The following ZFR2 variants were observed in gnomAD, a reference collection of about 807,000 sequenced individuals.
The protein encoded by ZFR2 is zinc finger RNA-binding protein 2.
Under a neutral mutation model 105.7 loss-of-function variants are expected in ZFR2, and 104 were observed. That is an observed-to-expected ratio of 0.98 (90% confidence interval 0.84 to 1.16). The LOEUF (loss-of-function observed/expected upper bound fraction) is 1.16, where lower values mean the gene tolerates loss of function less well. Ranked by LOEUF, ZFR2 falls within the 50% of genes most tolerant of loss-of-function variation. ZFR2 has a pLI of 0.00. For missense variants in ZFR2, 1,425 were observed against 1,355.5 expected (o/e 1.05, Z -0.80); for synonymous variants, 634 against 597.7 (o/e 1.06, Z -0.89).
chr19:3,841,652 A>T (rs1011883812), intron 1 of ZFR2, among the ~76,000 whole-genome samples: 31 of 152,050 alleles, frequency 2.0e-4, no homozygotes, highest in African/African-American at 4.6e-4. Flanking sequence ...ACAAAAAATT[A>T]AAAAAATTAG....
chr19:3,829,438 G>C (rs992884866), intron 5 of ZFR2, among the ~76,000 whole-genome samples: 15 of 152,074 alleles, frequency 9.9e-5, no homozygotes, highest in African/African-American at 3.1e-4. Flanking sequence ...GGGATTATGG[G>C]GGACTATAGG....
chr19:3,819,852 C>CAAAAAAAAAAAAAAAAAAAA (rs1555754315), intron 11 of ZFR2, among the ~76,000 whole-genome samples: 1 of 138,688 alleles, frequency 7.2e-6, no homozygotes, highest in African/African-American at 2.7e-5. Context: ...GACTCTGTCT[C>CAAAAAAAAAAAAAAAAAAAA]AAAAAAAAAT....
chr19:3,820,084 T>G, intron 11 of ZFR2, 98 bp downstream of exon 11: 2 of 1,175,298 alleles, frequency 1.7e-6, no homozygotes, highest in Non-Finnish European at 2.5e-6. Context: ...GAGTACTATG[T>G]GGGAGTTGGG....
At chr19:3,853,459 G>A (rs2038263478) in intron 1 of ZFR2, among the ~76,000 whole-genome samples, 1 of 152,018 alleles carries the variant, frequency 6.6e-6, no homozygotes, top group African/African-American at 2.4e-5. Context: ...CATTTGTTGA[G>A]GTTAAATGGA....
In ZFR2 at chr19:3,821,426, C is replaced by T; in HGVS notation, c.1545G>A (p.Arg515=). Reference sequence around the variant, plus strand: ...TCCTCATGCGCTCCTCCAGGACCTTCCGAGCCCGGCTGCTGGGCTCCGTGG... The same window carrying T: ...TCCTCATGCGCTCCTCCAGGACCTTTCGAGCCCGGCTGCTGGGCTCCGTGG... ...PIATEPSSRA[R]KVLEERMRKQ... Residue 515 remains arginine, a synonymous_variant, in exon 10 of 19, where the codon CGG becomes CGA. Transcript: ENST00000262961. 6.2e-7 allele frequency: 1 copy of T among 1,610,398 alleles called. No individual in the cohort carries two copies. The highest frequency in any genetic ancestry group is 8.5e-7 in the Non-Finnish European group (1 of 1,178,076).
At chr19:3,821,280 T>C in intron 10 of ZFR2, 60 bp downstream of exon 10, 1 of 1,477,170 alleles carries the variant, frequency 6.8e-7, no homozygotes, top group Non-Finnish European at 9.0e-7. Context: ...GGCGTCTAGG[T>C]TCCACGCTGG....
chr19:3,857,803 G>C (rs191909760), intron 1 of ZFR2, among the ~76,000 whole-genome samples: 2 of 151,898 alleles, frequency 1.3e-5, no homozygotes, highest in East Asian at 3.9e-4. Context: ...GTCACCTGTT[G>C]CTGGAAGGAA....
chr19:3,846,737 C>A (rs1056857506), intron 1 of ZFR2, among the ~76,000 whole-genome samples: 4 of 152,202 alleles, frequency 2.6e-5, no homozygotes, highest in South Asian at 4.1e-4. Flanking sequence ...ACAATTCATT[C>A]ACCTGTTTTC....
chr19:3,811,029 C>T (rs1442970739), intron 15 of ZFR2, among the ~76,000 whole-genome samples, 184 bp from the exon 16 acceptor site: 2 of 152,204 alleles, frequency 1.3e-5, no homozygotes, highest in Non-Finnish European at 2.9e-5. Flanking sequence ...GTTGAGTGGC[C>T]ACGAGACGGC....
chr19:3,855,545 T>G, intron 1 of ZFR2: 1 of 935,352 alleles, frequency 1.1e-6, no homozygotes, highest in East Asian at 3.3e-5. Context: ...CAAAGTCCCG[T>G]CCTCCAGGAG....
rs556347634 is a variant in ZFR2, at chr19:3,860,502, T to C, written c.53+8463A>G. The stretch of plus-strand genomic sequence containing the variant: ...TGGATTCCAGAGCCTGGGCGTCGAG[T>C]TTCCCGAGCCTCGGGGGCGAGCCAG... On this transcript the variant is annotated intron_variant, in intron 1 of 18. Coordinates refer to ENST00000262961, the MANE Select transcript of ZFR2 (RefSeq NM_015174.2). 2.2e-3 allele frequency among the ~76,000 whole-genome samples: 331 copies of C among 152,186 alleles called. 4 individuals carry two copies. The highest frequency in any genetic ancestry group is 7.6e-3 in the African/African-American group (316 of 41,524).
chr19:3,854,524 G>A (rs1002038406), intron 1 of ZFR2, among the ~76,000 whole-genome samples: 1 of 152,098 alleles, frequency 6.6e-6, no homozygotes, highest in Admixed American at 6.5e-5. Context: ...CATCATCTCC[G>A]GACCAAAACC....
chr19:3,867,077 C>T (rs1015860842), intron 1 of ZFR2, among the ~76,000 whole-genome samples: 8 of 152,200 alleles, frequency 5.3e-5, no homozygotes, highest in South Asian at 2.1e-4. Flanking sequence ...GCCGCTCCAC[C>T]GCGGGAAGCT....
chr19:3,865,163 T>A (rs1047131674), intron 1 of ZFR2, among the ~76,000 whole-genome samples: 6 of 152,164 alleles, frequency 3.9e-5, no homozygotes, highest in African/African-American at 1.4e-4. Context: ...ATGAGATTCA[T>A]AAGACCATAT....
At chr19:3,860,618 C>T (rs1248105217) in intron 1 of ZFR2, among the ~76,000 whole-genome samples, 1 of 152,150 alleles carries the variant, frequency 6.6e-6, no homozygotes, top group Non-Finnish European at 1.5e-5. Flanking sequence ...GTGAGCCCCA[C>T]CAGGCAGGTG....
At chr19:3,812,458 A>C (rs1332280049) in intron 14 of ZFR2, among the ~76,000 whole-genome samples, 1 of 152,120 alleles carries the variant, frequency 6.6e-6, no homozygotes, top group Non-Finnish European at 1.5e-5. Flanking sequence ...AAAGGCCGAC[A>C]GGAAGTGCAC....
In ZFR2 at chr19:3,838,961, G is replaced by A. The variant is rs567449822; in HGVS notation, c.54-3978C>T. ...AGGTCAGGCACATGTGCTGAACGGC[G>A]CTTGTGTTGGGGAGGGCTCTGTCAG... On this transcript the variant is annotated intron_variant, in intron 1 of 18. Transcript: ENST00000262961. This position sits in a 1 kb window ranked among gnomAD's most constrained non-coding sequence, Gnocchi z 4.9. Among the ~76,000 whole-genome samples the A allele has an allele frequency of 2.0e-5, 3 of 152,130 alleles. No individual in the cohort carries two copies. Among genetic ancestry groups the A allele is most frequent in the Non-Finnish European group, 4.4e-5 (3 of 68,034 alleles).
chr19:3,811,300 G>A lies in ZFR2; in HGVS notation c.2309C>T (p.Ala770Val), dbSNP rs202237601. ...LSPKKCLESL[A>V]ALRHARWFQA... ...AAACCACCTGGCATGACGGAGGGCG[G>A]CCAGGGACTCGAGGCACTTCTTGGG... The change falls in exon 15 of 19, where the codon GCC (alanine) becomes GTC (valine). Residue 770 changes from alanine (A) to valine (V), a missense_variant. Coordinates refer to ENST00000262961, the MANE Select transcript of ZFR2 (RefSeq NM_015174.2). The A allele has an allele frequency of 3.1e-6, 5 of 1,602,424 alleles. No homozygotes were observed. The Admixed American group carries it at 6.8e-5, about 22-fold the overall frequency.
intron 11 of ZFR2, among the ~76,000 whole-genome samples, 177 bp from the exon 12 acceptor site, chr19:3,819,412 C>T (rs1414402639): frequency 1.3e-5 from 2 of 152,148 alleles, no homozygotes; most frequent in Admixed American, 6.5e-5. Context: ...GGAAGTACCT[C>T]GGGCTGCCCC....
Sources: allele counts gnomAD v4.1 joint callset (sites outside exome capture counted in the v4.1 genomes callset), GRCh38; gene constraint gnomAD v4.1.1; non-coding constraint Gnocchi (gnomAD v3.1); transcripts MANE v1.5; gene names NCBI Gene and HGNC (gene_info 2026-07-23, HGNC 2026-07-21).